Variants in PALLD observed in about 807,000 individuals in gnomAD.
The protein encoded by PALLD is palladin.
Under a neutral mutation model 123.5 loss-of-function variants are expected in PALLD, and 61 were observed. That is an observed-to-expected ratio of 0.49 (90% CI 0.40 to 0.61). The LOEUF (loss-of-function observed/expected upper bound fraction) is 0.61, where lower values mean the gene tolerates loss of function less well. PALLD is among the 20% of genes least tolerant of loss of function. The probability of loss-of-function intolerance (pLI) is 0.00; values close to 1 mark genes in which losing one functional copy is unlikely to be tolerated. For missense variants in PALLD, 1,273 were observed against 1,377.0 expected (o/e 0.92, Z 1.20); for synonymous variants, 465 against 496.4 (o/e 0.94, Z 0.84).
At chr4:168,568,407 T>C (rs1044296936) in intron 2 of PALLD, among the ~76,000 whole-genome samples, 22 of 152,128 alleles carry the variant, frequency 1.4e-4, no homozygotes, top group Non-Finnish European at 1.5e-5. Context: ...CTGTTCATTA[T>C]ATGAAGTTCA....
chr4:168,889,196 C>T (rs1250710848), intron 10 of PALLD, among the ~76,000 whole-genome samples: 17 of 132,068 alleles, frequency 1.3e-4, no homozygotes, highest in Admixed American at 1.3e-3. Flanking sequence ...CGGAGTCTTG[C>T]TCTGTCGCCC....
chr4:168,599,411 C>A (rs1053794114), intron 2 of PALLD, among the ~76,000 whole-genome samples: 1 of 152,162 alleles, frequency 6.6e-6, no homozygotes, highest in African/African-American at 2.4e-5. Flanking sequence ...TAGAATTAAA[C>A]ATCCTTGGAT....
At chr4:168,629,943 T>C (rs954421754) in intron 2 of PALLD, among the ~76,000 whole-genome samples, 3 of 152,218 alleles carry the variant, frequency 2.0e-5, no homozygotes, top group South Asian at 2.1e-4. Context: ...CATTTATATA[T>C]GTTGGGTGTT....
chr4:168,643,616 T>C (rs772173242), intron 2 of PALLD, among the ~76,000 whole-genome samples: 2 of 151,234 alleles, frequency 1.3e-5, no homozygotes, highest in South Asian at 4.1e-4. Context: ...TGAACACTTT[T>C]AGGAAAGCAG....
chr4:168,578,613 C>T (rs113492611), intron 2 of PALLD, among the ~76,000 whole-genome samples: 5 of 151,842 alleles, frequency 3.3e-5, no homozygotes, highest in Non-Finnish European at 7.4e-5. Context: ...TTATTAGCAG[C>T]ATGAGAACAG....
rs1406129440 is a variant in PALLD, at chr4:168,921,540, G to A, written c.2857G>A (p.Gly953Arg). 6.3e-7 allele frequency: 1 copy of A among 1,599,914 alleles called. No individual in the cohort carries two copies. The highest frequency in any genetic ancestry group is 1.1e-5 in the South Asian group (1 of 89,370). Residue 953 changes from glycine to arginine, a missense_variant, in exon 18 of 22, where the codon GGG (glycine) becomes AGG (arginine). Gly to Arg is a moderately radical substitution (Grantham distance 125, BLOSUM62 -2). Coordinates refer to ENST00000505667, the MANE Select transcript of PALLD (RefSeq NM_001166108.2). ...TATTTCTTTTATGATTTAGGTCAGT[G>A]GGTTACCAACCCCAGATCTAAGCTG... The part of the protein sequence containing the change: ...KLCRMDCKVS[G>R]LPTPDLSWQL...
chr4:168,925,353 C>G (rs1453344978), intron 21 of PALLD, 75 bp downstream of exon 21: 2 of 1,117,532 alleles, frequency 1.8e-6, no homozygotes, highest in Non-Finnish European at 2.8e-6. Context: ...TTAGTTGTGG[C>G]TTCCTTACTC....
intron 8 of PALLD, among the ~76,000 whole-genome samples, chr4:168,704,143 T>C (rs1460337162): frequency 6.6e-6 from 1 of 151,672 alleles, no homozygotes; most frequent in Admixed American, 6.6e-5. Context: ...AAGGATTCCC[T>C]ATTTAATAAA....
intron 2 of PALLD, among the ~76,000 whole-genome samples, chr4:168,629,715 C>T (rs578080197): frequency 9.9e-5 from 15 of 152,212 alleles, no homozygotes; most frequent in African/African-American, 3.6e-4. Context: ...CCACAAACCG[C>T]GTAACGTTGG....
intron 2 of PALLD, among the ~76,000 whole-genome samples, chr4:168,571,211 C>T (rs1003936470): frequency 2.6e-5 from 4 of 152,138 alleles, no homozygotes; most frequent in African/African-American, 9.7e-5. Flanking sequence ...TCCCTCTTTT[C>T]CTTCTGCTTC....
chr4:168,699,529 CAAA>C (rs5863954), intron 8 of PALLD, among the ~76,000 whole-genome samples: 18 of 107,284 alleles, frequency 1.7e-4, no homozygotes, highest in African/African-American at 5.6e-4. Flanking sequence ...GGACTTGGGA[CAAA>C]AAAAAAAAAA....
intron 15 of PALLD, among the ~76,000 whole-genome samples, chr4:168,905,961 G>T (rs150800436): frequency 9.5e-4 from 144 of 151,694 alleles, no homozygotes; most frequent in African/African-American, 3.2e-3. Flanking sequence ...TAATAGAGAC[G>T]GGGTTTCACC....
chr4:168,567,639 C>T (rs139523957), intron 2 of PALLD, among the ~76,000 whole-genome samples: 1 of 150,190 alleles, frequency 6.7e-6, no homozygotes, highest in African/African-American at 2.4e-5. Context: ...TGGAATACTA[C>T]TCAGCCATAA....
At chr4:168,532,603 A>G (rs1048244604) in intron 2 of PALLD, among the ~76,000 whole-genome samples, 4 of 152,178 alleles carry the variant, frequency 2.6e-5, no homozygotes, top group African/African-American at 4.8e-5. Flanking sequence ...GAATAGAATT[A>G]CGTAAGTAAA....
At chr4:168,878,080 C>A in intron 10 of PALLD, 1 of 1,446,500 alleles carries the variant, frequency 6.9e-7, no homozygotes, top group Non-Finnish European at 9.0e-7. Context: ...AGTTCGGCCG[C>A]GCCCCCGTGC....
chr4:168,702,852 C>CTT (rs368887076), intron 8 of PALLD, among the ~76,000 whole-genome samples: 2 of 150,974 alleles, frequency 1.3e-5, no homozygotes, highest in African/African-American at 2.4e-5. Context: ...AATGATTAAT[C>CTT]TTTTTTTTAA....
intron 3 of PALLD, among the ~76,000 whole-genome samples, chr4:168,676,991 T>C (rs1173369983): frequency 6.6e-6 from 1 of 152,166 alleles, no homozygotes; most frequent in African/African-American, 2.4e-5. Context: ...GTGTGATTCC[T>C]TCACTCTGCG....
chr4:168,819,286 A>G (rs1196954477), intron 10 of PALLD, among the ~76,000 whole-genome samples: 1 of 152,136 alleles, frequency 6.6e-6, no homozygotes, highest in Admixed American at 6.6e-5. Flanking sequence ...TGAGAAAAAC[A>G]ATCACCCACA....
intron 10 of PALLD, among the ~76,000 whole-genome samples, chr4:168,845,874 C>A (rs1473381302): frequency 6.6e-6 from 1 of 152,210 alleles, no homozygotes; most frequent in Non-Finnish European, 1.5e-5. Context: ...TCTTAAGCAG[C>A]ACTTTTGCCA....
Sources: allele counts gnomAD v4.1 joint callset (sites outside exome capture counted in the v4.1 genomes callset), GRCh38; gene constraint gnomAD v4.1.1; transcripts MANE v1.5; gene names NCBI Gene and HGNC (gene_info 2026-07-23, HGNC 2026-07-21).